The following ZGRF1 variants were observed in gnomAD, a reference collection of about 807,000 sequenced individuals.
The protein encoded by ZGRF1 is 5'-3' DNA helicase ZGRF1.
Under a neutral mutation model 203.5 loss-of-function variants are expected in ZGRF1, and 196 were observed. The ratio of observed to expected loss-of-function variants is 0.96; its 90% CI spans 0.86 to 1.08. ZGRF1 has a LOEUF of 1.08. Ranked by LOEUF, ZGRF1 falls within the 50% of genes least tolerant of loss-of-function variation. The probability of loss-of-function intolerance (pLI) is 0.00; values close to 1 mark genes in which losing one functional copy is unlikely to be tolerated. For synonymous variants in ZGRF1, 809 were observed against 841.3 expected (o/e 0.96, Z 0.66); for missense variants, 2,326 against 2,416.3 (o/e 0.96, Z 0.78).
rs1284837118 is a variant in ZGRF1 at position 112,577,156 on chromosome 4, G to C, written c.4438+4507C>G. 5.8e-5 allele frequency among the ~76,000 whole-genome samples: 6 copies of C among 104,054 alleles called. 1 individual carries two copies. The highest frequency in any genetic ancestry group is 2.0e-4 in the African/African-American group (6 of 30,586). 68.3% of individuals were successfully genotyped at this position (104,054 alleles called of 152,430 possible). On this transcript the variant is annotated intron_variant, in intron 16 of 27. Transcript: ENST00000505019. ...CTTAAAGAAAAGAATTTTCAACCCA[G>C]AATTTCATATCCAGTCAAACTAAGC...
intron 1 of ZGRF1, among the ~76,000 whole-genome samples, chr4:112,633,539 C>A (rs1264774462): frequency 1.3e-5 from 2 of 152,194 alleles, no homozygotes; most frequent in Non-Finnish European, 2.9e-5. Flanking sequence ...ATTTGTCCTC[C>A]ACATGTTTGG....
At chr4:112,613,422 C>A (rs1159773603) in intron 6 of ZGRF1, among the ~76,000 whole-genome samples, 2 of 151,928 alleles carry the variant, frequency 1.3e-5, no homozygotes, top group Non-Finnish European at 2.9e-5. Flanking sequence ...GTGCAGTGTG[C>A]CAGGCACTAG....
chr4:112,559,042 C>T (rs1263648075), intron 19 of ZGRF1, among the ~76,000 whole-genome samples: 3 of 152,178 alleles, frequency 2.0e-5, no homozygotes, highest in Non-Finnish European at 4.4e-5. Context: ...AATAACTTTT[C>T]TATATAACCT....
chr4:112,583,726 C>T lies in ZGRF1; in HGVS notation c.4298+252G>A, dbSNP rs567549729. ...GGCTGAGGTGGGTGGAGAGCTTCAG[C>T]CCAGGAGTTGAAGGTTGCAGTGAGC... On this transcript the variant is annotated intron_variant, in intron 15 of 27. Transcript: ENST00000505019. 1.9e-4 allele frequency among the ~76,000 whole-genome samples: 29 copies of T among 152,024 alleles called. No homozygotes were observed. In the South Asian group the frequency reaches 4.2e-3, roughly 22 times the overall value.
At position 112,558,172 on chromosome 4, in the gene ZGRF1, C is replaced by A; in HGVS notation, c.5098G>T (p.Ala1700Ser). 4 of 1,606,852 alleles carry A rather than the reference C, an allele frequency of 2.5e-6. No individual in the cohort carries two copies. Among genetic ancestry groups the A allele is most frequent in the Non-Finnish European group, 3.4e-6 (4 of 1,177,844 alleles). The change falls in exon 20 of 28, where the codon GCT becomes TCT. Residue 1700 changes from alanine (A) to serine (S), a missense_variant. By Grantham distance (99) the Ala-to-Ser change is moderately conservative (BLOSUM62 1). Coordinates refer to ENST00000505019, the MANE Select transcript of ZGRF1 (RefSeq NM_018392.5). ...TACCCAAGAAGTACTCTGTCAACAG[C>A]CACATTAGTAGAAGAAGAAATCAGA... ...KLLISSSTNV[A>S]VDRVLLGLLS...
intron 24 of ZGRF1, 138 bp from the exon 25 acceptor site, chr4:112,541,406 A>C (rs1737572746): frequency 2.6e-6 from 1 of 381,428 alleles, no homozygotes; most frequent in South Asian, 1.2e-4. Context: ...AATAGACTAT[A>C]AATAAAAATA....
intron 16 of ZGRF1, 55 bp from the exon 17 acceptor site, chr4:112,563,329 A>G: frequency 7.7e-7 from 1 of 1,299,776 alleles, no homozygotes; most frequent in East Asian, 2.5e-5. Context: ...ATGGTTTTAT[A>G]TTTTTAGAAA....
chr4:112,566,332 G>A (rs1203506913), intron 16 of ZGRF1, among the ~76,000 whole-genome samples: 1 of 116,880 alleles, frequency 8.6e-6, no homozygotes, highest in African/African-American at 3.3e-5. Flanking sequence ...ACACTCTGGG[G>A]ACTGTTGTGG....
At chr4:112,622,325 C>G (rs2047086543) in intron 4 of ZGRF1, among the ~76,000 whole-genome samples, 1 of 151,578 alleles carries the variant, frequency 6.6e-6, no homozygotes, top group South Asian at 2.1e-4. Context: ...TCAAGACCAG[C>G]CTGGCCAACA....
At chr4:112,592,999 G>A (rs1411616301) in intron 10 of ZGRF1, among the ~76,000 whole-genome samples, 1 of 152,170 alleles carries the variant, frequency 6.6e-6, no homozygotes, top group Non-Finnish European at 1.5e-5. Context: ...TAAGGACATA[G>A]GGAGAAGGCA....
At chr4:112,575,598 C>A (rs937064531) in intron 16 of ZGRF1, among the ~76,000 whole-genome samples, 1 of 152,214 alleles carries the variant, frequency 6.6e-6, no homozygotes, top group African/African-American at 2.4e-5. Flanking sequence ...GCTTTTCCAA[C>A]AGTCTTAGCA....
At chr4:112,541,030 A>G (rs1737466832) in intron 25 of ZGRF1, 62 bp downstream of exon 25, 1 of 1,543,924 alleles carries the variant, frequency 6.5e-7, no homozygotes, top group Non-Finnish European at 8.8e-7. Flanking sequence ...CATACAAACA[A>G]CAACAAAATT....
chr4:112,625,476 T>C (rs1175827665), intron 3 of ZGRF1, among the ~76,000 whole-genome samples: 1 of 150,070 alleles, frequency 6.7e-6, no homozygotes, highest in Non-Finnish European at 1.5e-5. Context: ...TCCCAGCTAT[T>C]CGGGAGGCTG....
chr4:112,609,874 C>T (rs1751329594), intron 7 of ZGRF1, among the ~76,000 whole-genome samples: 1 of 152,022 alleles, frequency 6.6e-6, no homozygotes, highest in African/African-American at 2.4e-5. Flanking sequence ...GGCATTGTGG[C>T]TCACACCTGT....
At position 112,619,432 on chromosome 4, in the gene ZGRF1, G is replaced by C; in HGVS notation, c.610C>G (p.Pro204Ala). 3 of 1,612,650 alleles carry C rather than the reference G, an allele frequency of 1.9e-6. No individual in the cohort carries two copies. Among genetic ancestry groups the C allele is most frequent in the Non-Finnish European group, 2.5e-6 (3 of 1,179,358 alleles). ...SVFSPSFQIN[P>A]EVLCEENYFC... Reference sequence around the variant, plus strand: ...TAATTTTCTTCACACAGCACTTCTGGGTTAATCTGGAAGGATGGAGAAAAA... The same window carrying C: ...TAATTTTCTTCACACAGCACTTCTGCGTTAATCTGGAAGGATGGAGAAAAA... The change falls in exon 6 of 28, where the codon CCA (proline) becomes GCA (alanine). Residue 204 changes from proline (P) to alanine (A), a missense_variant. By Grantham distance (27) the Pro-to-Ala change is conservative. Transcript: ENST00000505019.
intron 10 of ZGRF1, among the ~76,000 whole-genome samples, chr4:112,590,919 C>T (rs527710256): frequency 8.2e-4 from 113 of 137,524 alleles, no homozygotes; most frequent in Non-Finnish European, 1.5e-3. Context: ...AGCAAGACTC[C>T]TTCTCAAAAA....
rs1165229614 is a variant in ZGRF1, at chr4:112,614,044, C to T, written c.2603-1456G>A. Among the ~76,000 whole-genome samples the T allele has an allele frequency of 2.0e-5, 3 of 152,222 alleles. 1 individual carries two copies. Among genetic ancestry groups the T allele is most frequent in the South Asian group, 4.2e-4 (2 of 4,812 alleles). ...ATTGTTTTCCTTTACTGCCTTTGCT[C>T]CAGAAAAACATTCTAAATTAACATT... On this transcript the variant is annotated intron_variant, in intron 6 of 27. Coordinates refer to ENST00000505019, the MANE Select transcript of ZGRF1 (RefSeq NM_018392.5).
chr4:112,612,826 T>C (rs2046734915), intron 6 of ZGRF1, among the ~76,000 whole-genome samples: 1 of 152,236 alleles, frequency 6.6e-6, no homozygotes, highest in Non-Finnish European at 1.5e-5. Flanking sequence ...TTTTGTTTAC[T>C]TTCTAAGTCA....
At chr4:112,569,918 A>G (rs1319045610) in intron 16 of ZGRF1, among the ~76,000 whole-genome samples, 2 of 152,202 alleles carry the variant, frequency 1.3e-5, no homozygotes, top group African/African-American at 4.8e-5. Context: ...ATAGATTTTT[A>G]AGAAAAAATT....
Sources: gnomAD v4.1 joint callset for allele counts (sites outside exome capture counted in the v4.1 genomes callset) on GRCh38, gnomAD v4.1.1 for gene constraint, MANE v1.5 for transcripts, NCBI Gene and HGNC (gene_info 2026-07-23, HGNC 2026-07-21) for gene names.